SLC30A1: variants seen among roughly 807,000 people sequenced by gnomAD.
The protein encoded by SLC30A1 is proton-coupled zinc antiporter SLC30A1.
In SLC30A1, 7 loss-of-function variants were observed where a neutral mutation model predicts 29.8. The observed-to-expected ratio is 0.23, with a 90% CI of 0.13 to 0.44. SLC30A1 has a LOEUF of 0.44. Among genes scored for constraint, SLC30A1 ranks in the 20% least tolerant of loss-of-function variants. The pLI, the probability that SLC30A1 is intolerant of heterozygous loss-of-function variation, is 1.00. For missense variants in SLC30A1, 446 were observed against 647.9 expected (o/e 0.69, Z 3.38); for synonymous variants, 254 against 253.5 (o/e 1.00, Z -0.02).
Position 211,577,064 on chromosome 1 carries a change from C to T in SLC30A1, c.623-775G>A, listed in dbSNP as rs1706727766. Among the ~76,000 whole-genome samples the T allele has an allele frequency of 6.6e-6, 1 of 152,108 alleles. No homozygotes were observed. Among genetic ancestry groups the T allele is most frequent in the Admixed American group, 6.5e-5 (1 of 15,268 alleles). On this transcript the variant is annotated intron_variant, in intron 1 of 1. Coordinates refer to ENST00000367001, the MANE Select transcript of SLC30A1 (RefSeq NM_021194.3). This position sits in a 1 kb window ranked among gnomAD's most constrained non-coding sequence, Gnocchi z 4.5. ...TTACTTATTAAACCTTTCCAATGTACAACTTGAATTTCACTAACTTCATAT... is the reference window on the plus strand; with the variant it reads ...TTACTTATTAAACCTTTCCAATGTATAACTTGAATTTCACTAACTTCATAT...
At chr1:211,576,474 G>A (rs1706719834) in intron 1 of SLC30A1, among the ~76,000 whole-genome samples, 185 bp from the exon 2 acceptor site, 1 of 152,094 alleles carries the variant, frequency 6.6e-6, no homozygotes. Context: ...AATAGCCAGG[G>A]CTAAATTAAG....
rs1267502046 is a variant in SLC30A1 at position 211,578,181 on chromosome 1, G to A, written c.432C>T (p.Ser144=). 9.3e-6 allele frequency: 15 copies of A among 1,609,188 alleles called. No individual in the cohort carries two copies. The highest frequency in any genetic ancestry group is 1.7e-5 in the Admixed American group (1 of 59,454). The stretch of plus-strand genomic sequence containing the variant: ...GACCCCCGTGCGAGTGGCCGTGGCC[G>A]GAGTCCTGGCTGAAGCCGCTGTGAT... ...FHHHSGFSQD[S]GHGHSHGGHG... is the part of the protein sequence containing the mutation. Residue 144 remains serine (S), a synonymous_variant, in exon 1 of 2, where the codon TCC becomes TCT. Transcript: ENST00000367001.
rs1395852399 is a variant in SLC30A1 at position 211,577,938 on chromosome 1, G to A, written c.622+53C>T. 3.7e-6 allele frequency: 6 copies of A among 1,603,252 alleles called. No homozygotes were observed. The highest frequency in any genetic ancestry group is 5.1e-6 in the Non-Finnish European group (6 of 1,175,470). ...GGCCACCCCGCCGAAGGCCAGGCGA[G>A]GCTCTGGGCACCCCAAACCCAACCA... is the stretch of plus-strand genomic sequence containing the variant. On this transcript the variant is annotated intron_variant, in intron 1 of 1. Transcript: ENST00000367001. This position sits in a 1 kb window ranked among gnomAD's most constrained non-coding sequence, Gnocchi z 4.5.
rs1258924013 is a variant in SLC30A1 at position 211,578,781 on chromosome 1, C to T, written c.-169G>A. 1 of 485,790 alleles carries T rather than the reference C, an allele frequency of 2.1e-6. No individual in the cohort carries two copies. 30.1% of individuals were successfully genotyped at this position (485,790 alleles called of 1,614,324 possible). On this transcript the variant is annotated 5_prime_UTR_variant, in exon 1 of 2. Coordinates refer to ENST00000367001, the MANE Select transcript of SLC30A1 (RefSeq NM_021194.3). ...GCACGGGGACAAGCCCGGGTCAAGC[C>T]GCCGAGCCCCGCGCCTGTGGGCGTT...
chr1:211,578,006 T>A lies in SLC30A1; in HGVS notation c.607A>T (p.Lys203Ter). ...CCCGGCTCACCTGCGGGGTCCAATT[T>A]CAGCCCGTTGGAGTTGCTGGTATTG... ...VANTSNSNGL[K>*]LDPADPENPR... Residue 203 changes from lysine (K) to a stop codon, truncating the protein, a stop_gained, in exon 1 of 2, where the codon AAA (lysine) becomes TAA (stop). Coordinates refer to ENST00000367001, the MANE Select transcript of SLC30A1 (RefSeq NM_021194.3). LOFTEE classifies it high-confidence loss of function. 6.2e-7 allele frequency: 1 copy of A among 1,613,074 alleles called. No homozygotes were observed. Among genetic ancestry groups the A allele is most frequent in the Non-Finnish European group, 8.5e-7 (1 of 1,179,834 alleles).
rs1706677470 is a variant in SLC30A1, at chr1:211,573,475, T to C, written c.*1913A>G. On this transcript the variant is annotated 3_prime_UTR_variant, in exon 2 of 2. Transcript: ENST00000367001. The stretch of plus-strand genomic sequence containing the variant: ...AGAAAACCTCATTGAATGTAATATA[T>C]TTTATCAGTTATCTTTGTATCATTG... 6.6e-6 allele frequency: 1 copy of C among 152,080 alleles called. No individual in the cohort carries two copies. The highest frequency in any genetic ancestry group is 1.5e-5 in the Non-Finnish European group (1 of 67,906). The allele number at this position is 152,080 out of a possible 1,614,324, so 9.4% of individuals were successfully genotyped here. A position where few individuals can be genotyped will look rare whatever the true frequency, so the allele number is the denominator to read the frequency against.
chr1:211,574,000 A>T lies in SLC30A1; in HGVS notation c.*1388T>A, dbSNP rs1192409238. On this transcript the variant is annotated 3_prime_UTR_variant, in exon 2 of 2. Transcript: ENST00000367001. Reference sequence around the variant, plus strand: ...AATCCCAAAACGTAGCCATCCCAAAAGTAGTCAGCTATAAAAGTAGTCAGA... The same window carrying T: ...AATCCCAAAACGTAGCCATCCCAAATGTAGTCAGCTATAAAAGTAGTCAGA... 1 of 152,554 alleles carries T rather than the reference A, an allele frequency of 6.6e-6. No individual in the cohort carries two copies. Among genetic ancestry groups the T allele is most frequent in the African/African-American group, 2.4e-5 (1 of 41,468 alleles). 9.5% of individuals were successfully genotyped at this position (152,554 alleles called of 1,614,324 possible). A position where few individuals can be genotyped will look rare whatever the true frequency, so the allele number is the denominator to read the frequency against.
chr1:211,575,545 C>T lies in SLC30A1; in HGVS notation c.1367G>A (p.Gly456Glu). ...TGCTGGGGTCTTTTCTGCATCCTTTCCAGAAGGGGCTTGTGGTAGTGTCCC... is the reference window on the plus strand; with the variant it reads ...TGCTGGGGTCTTTTCTGCATCCTTTTCAGAAGGGGCTTGTGGTAGTGTCCC... The part of the protein sequence containing the change: ...CCGTLPQAPS[G>E]KDAEKTPAVS... The change falls in exon 2 of 2, where the codon GGA becomes GAA. Residue 456 changes from glycine (G) to glutamate (E), a missense_variant. Coordinates refer to ENST00000367001, the MANE Select transcript of SLC30A1 (RefSeq NM_021194.3). This position sits in a 1 kb window ranked among gnomAD's most constrained non-coding sequence, Gnocchi z 6.0. 1.9e-6 allele frequency: 3 copies of T among 1,614,182 alleles called. No homozygotes were observed.
In SLC30A1 at chr1:211,578,043, G is replaced by A; in HGVS notation, c.570C>T (p.Asn190=). 1.2e-6 allele frequency: 2 copies of A among 1,613,268 alleles called. No homozygotes were observed. Among genetic ancestry groups the A allele is most frequent in the Non-Finnish European group, 1.7e-6 (2 of 1,179,866 alleles). Residue 190 remains asparagine, a synonymous_variant, in exon 1 of 2, where the codon AAC becomes AAT. Transcript: ENST00000367001. ...GEQGPDQEET[N]TLVANTSNSN... The stretch of plus-strand genomic sequence containing the variant: ...AGTTGCTGGTATTGGCCACCAGGGT[G>A]TTGGTCTCCTCCTGGTCGGGACCCT...
At position 211,575,642 on chromosome 1, in the gene SLC30A1, C is replaced by T; in HGVS notation, c.1270G>A (p.Val424Ile). 1 of 1,614,192 alleles carries T rather than the reference C, an allele frequency of 6.2e-7. No homozygotes were observed. The highest frequency in any genetic ancestry group is 8.5e-7 in the Non-Finnish European group (1 of 1,180,022). Reference protein sequence around the residue: ...ATTIQPEFASVGSKSSVVPCE... With the variant: ...ATTIQPEFASIGSKSSVVPCE... ...GGAACTACACTTGATTTAGAGCCTACACTAGCAAATTCAGGCTGAATGGTA... is the reference window on the plus strand; with the variant it reads ...GGAACTACACTTGATTTAGAGCCTATACTAGCAAATTCAGGCTGAATGGTA... The change falls in exon 2 of 2, where the codon GTA becomes ATA. Residue 424 changes from valine to isoleucine, a missense_variant. Val to Ile is a conservative substitution (Grantham distance 29, BLOSUM62 3). Coordinates refer to ENST00000367001, the MANE Select transcript of SLC30A1 (RefSeq NM_021194.3). This position sits in a 1 kb window ranked among gnomAD's most constrained non-coding sequence, Gnocchi z 6.0.
At position 211,577,158 on chromosome 1, in the gene SLC30A1, G is replaced by A. The variant is rs540164554; in HGVS notation, c.622+833C>T. Among the ~76,000 whole-genome samples, 18 of 152,282 alleles carry A rather than the reference G, an allele frequency of 1.2e-4. No homozygotes were observed. Among genetic ancestry groups the A allele is most frequent in the Non-Finnish European group, 5.9e-5 (4 of 68,014 alleles). On this transcript the variant is annotated intron_variant, in intron 1 of 1. Coordinates refer to ENST00000367001, the MANE Select transcript of SLC30A1 (RefSeq NM_021194.3). The surrounding 1 kb of genome is among the most constrained non-coding windows in gnomAD (Gnocchi z 4.5). Reference sequence around the variant, plus strand: ...TACAAGGTAAATAAACGTAAGTGAAGGAAATAAGACCAAATTGTTAAGCAC... The same window carrying A: ...TACAAGGTAAATAAACGTAAGTGAAAGAAATAAGACCAAATTGTTAAGCAC...
rs936818856 is a variant in SLC30A1 at position 211,572,910 on chromosome 1, A to C, written c.*2478T>G. The C allele has an allele frequency of 6.6e-6, 1 of 152,120 alleles. No individual in the cohort carries two copies. The highest frequency in any genetic ancestry group is 2.4e-5 in the African/African-American group (1 of 41,462). 9.4% of individuals were successfully genotyped at this position (152,120 alleles called of 1,614,324 possible). A position where few individuals can be genotyped will look rare whatever the true frequency, so the allele number is the denominator to read the frequency against. ...TTCTACACTGATCTTGCTCAAATAT[A>C]AAAGAGCCAGCAGGAGAGATGCAAC... On this transcript the variant is annotated 3_prime_UTR_variant, in exon 2 of 2. Coordinates refer to ENST00000367001, the MANE Select transcript of SLC30A1 (RefSeq NM_021194.3).
rs957412628 is a variant in SLC30A1, at chr1:211,574,998, C to G, written c.*390G>C. The G allele has an allele frequency of 1.9e-5, 3 of 159,384 alleles. No homozygotes were observed. Among genetic ancestry groups the G allele is most frequent in the African/African-American group, 7.2e-5 (3 of 41,526 alleles). 9.9% of individuals were successfully genotyped at this position (159,384 alleles called of 1,614,324 possible). On this transcript the variant is annotated 3_prime_UTR_variant, in exon 2 of 2. Transcript: ENST00000367001. ...TTTTAAAGTTCTATCAATTATAATT[C>G]TAATAAAGTATAACACTGGGGGAAA... is the stretch of plus-strand genomic sequence containing the variant.
rs1374764474 is a variant in SLC30A1 at position 211,577,013 on chromosome 1, GC to G, written c.623-725del. 2.0e-5 allele frequency among the ~76,000 whole-genome samples: 3 copies of G among 152,278 alleles called. No individual in the cohort carries two copies. The East Asian group carries it at 5.8e-4, about 29-fold the overall frequency. ...TTAATTTTCTTTGGAATAACACCTT[GC>G]CGAGTGGAGTGAGAGGAAAACCAAT... is the stretch of plus-strand genomic sequence containing the variant. On this transcript the variant is annotated intron_variant, in intron 1 of 1. Coordinates refer to ENST00000367001, the MANE Select transcript of SLC30A1 (RefSeq NM_021194.3). The surrounding 1 kb of genome is among the most constrained non-coding windows in gnomAD (Gnocchi z 4.5).
In SLC30A1 at chr1:211,577,852, C is replaced by G. The variant is rs1229533775; in HGVS notation, c.622+139G>C. 2 of 1,157,798 alleles carry G rather than the reference C, an allele frequency of 1.7e-6. No homozygotes were observed. The highest frequency in any genetic ancestry group is 1.6e-5 in the African/African-American group (1 of 63,520). The allele number at this position is 1,157,798 out of a possible 1,614,324, so 71.7% of individuals were successfully genotyped here. ...GAGCAGCAGCGGGGCGTGTGCAGGACGGGGAGGGAGCAGGCAGGGGCGGCG... is the reference window on the plus strand; with the variant it reads ...GAGCAGCAGCGGGGCGTGTGCAGGAGGGGGAGGGAGCAGGCAGGGGCGGCG... On this transcript the variant is annotated intron_variant, in intron 1 of 1. Coordinates refer to ENST00000367001, the MANE Select transcript of SLC30A1 (RefSeq NM_021194.3). This position sits in a 1 kb window ranked among gnomAD's most constrained non-coding sequence, Gnocchi z 4.5.
intron 1 of SLC30A1, 78 bp from the exon 2 acceptor site, chr1:211,576,367 G>A: frequency 2.1e-6 from 2 of 950,274 alleles, no homozygotes; most frequent in Non-Finnish European, 1.5e-6. Context: ...CTTTTTAAGT[G>A]GTGATGAAGG....
At position 211,578,785 on chromosome 1, in the gene SLC30A1, G is replaced by A; in HGVS notation, c.-173C>T. ...GGGGACAAGCCCGGGTCAAGCCGCC[G>A]AGCCCCGCGCCTGTGGGCGTTCTCC... On this transcript the variant is annotated 5_prime_UTR_variant, in exon 1 of 2. Transcript: ENST00000367001. 1 of 482,720 alleles carries A rather than the reference G, an allele frequency of 2.1e-6. No individual in the cohort carries two copies. The highest frequency in any genetic ancestry group is 3.3e-6 in the Non-Finnish European group (1 of 307,298). 29.9% of individuals were successfully genotyped at this position (482,720 alleles called of 1,614,324 possible).
At position 211,574,721 on chromosome 1, in the gene SLC30A1, C is replaced by A. The variant is rs1407132368; in HGVS notation, c.*667G>T. 3.3e-5 allele frequency: 5 copies of A among 152,056 alleles called. No individual in the cohort carries two copies. In the East Asian group the frequency reaches 7.7e-4, roughly 23 times the overall value. The allele number at this position is 152,056 out of a possible 1,614,324, so 9.4% of individuals were successfully genotyped here. The stretch of plus-strand genomic sequence containing the variant: ...TAGTCTCAATATTATCATACAATAA[C>A]CTAAATATTTAGTTTGGTAAACTTT... On this transcript the variant is annotated 3_prime_UTR_variant, in exon 2 of 2. Transcript: ENST00000367001.
rs1706740921 is a variant in SLC30A1 at position 211,577,906 on chromosome 1, G to A, written c.622+85C>T. The stretch of plus-strand genomic sequence containing the variant: ...CGCAGGCCCGCTCGGGCAGCAGGGG[G>A]CGTGCGGGCCACCCCGCCGAAGGCC... On this transcript the variant is annotated intron_variant, in intron 1 of 1. Coordinates refer to ENST00000367001, the MANE Select transcript of SLC30A1 (RefSeq NM_021194.3). This position sits in a 1 kb window ranked among gnomAD's most constrained non-coding sequence, Gnocchi z 4.5. 2.6e-6 allele frequency: 4 copies of A among 1,556,762 alleles called. No homozygotes were observed. Among genetic ancestry groups the A allele is most frequent in the Admixed American group, 1.8e-5 (1 of 56,620 alleles).
Sources: allele counts gnomAD v4.1 joint callset (sites outside exome capture counted in the v4.1 genomes callset), GRCh38; gene constraint gnomAD v4.1.1; non-coding constraint Gnocchi (gnomAD v3.1); transcripts MANE v1.5; gene names NCBI Gene and HGNC (gene_info 2026-07-23, HGNC 2026-07-21).